Variants in FTO observed in about 807,000 individuals in gnomAD.
The protein encoded by FTO is FTO alpha-ketoglutarate dependent dioxygenase.
A neutral mutation model predicts 63.9 loss-of-function variants in FTO; 47 were observed. The observed-to-expected ratio is 0.74, with a 90% CI of 0.58 to 0.94. FTO has a LOEUF of 0.94. Among genes scored for constraint, FTO ranks in the 40% least tolerant of loss-of-function variants. The probability of loss-of-function intolerance (pLI) is 0.00; values close to 1 mark genes in which losing one functional copy is unlikely to be tolerated. For synonymous variants in FTO, 207 were observed against 224.4 expected, an observed-to-expected ratio of 0.92 and a Z score of 0.69; for missense variants, 562 against 618.1, an observed-to-expected ratio of 0.91 and a Z score of 0.96.
chr16:53,930,221 C>CTTTTT (rs1014205147), intron 7 of FTO, among the ~76,000 whole-genome samples: 22 of 75,704 alleles, frequency 2.9e-4, no homozygotes, highest in African/African-American at 6.5e-4. Context: ...TGATTATCTT[C>CTTTTT]TTTTTTTTTT....
At chr16:53,749,798 A>G (rs577767448) in intron 1 of FTO, among the ~76,000 whole-genome samples, 1 of 152,138 alleles carries the variant, frequency 6.6e-6, no homozygotes, top group Non-Finnish European at 1.5e-5. Flanking sequence ...TATGGCCTTT[A>G]TTGTGTTGAG....
intron 1 of FTO, among the ~76,000 whole-genome samples, chr16:53,793,688 G>A (rs922375788): frequency 1.3e-5 from 2 of 152,102 alleles, no homozygotes; most frequent in African/African-American, 4.8e-5. Context: ...GCGTGAACGC[G>A]GGAGACGGAG....
chr16:53,789,983 C>G (rs924306124), intron 1 of FTO, among the ~76,000 whole-genome samples: 5 of 148,502 alleles, frequency 3.4e-5, no homozygotes, highest in African/African-American at 9.8e-5. Flanking sequence ...TGTACATATA[C>G]AAATATATAA....
At chr16:53,939,348 T>A (rs1018225429) in intron 8 of FTO, among the ~76,000 whole-genome samples, 1 of 152,146 alleles carries the variant, frequency 6.6e-6, no homozygotes, top group African/African-American at 2.4e-5. Flanking sequence ...TTTAAAGCCA[T>A]GGCCCTAAAT....
chr16:53,847,968 C>A (rs1377729786), intron 4 of FTO, among the ~76,000 whole-genome samples: 1 of 152,056 alleles, frequency 6.6e-6, no homozygotes, highest in East Asian at 1.9e-4. Flanking sequence ...CTTGATTTCC[C>A]ATGTCTTATT....
At chr16:54,016,039 T>C (rs1350241289) in intron 8 of FTO, among the ~76,000 whole-genome samples, 1 of 152,198 alleles carries the variant, frequency 6.6e-6, no homozygotes, top group African/African-American at 2.4e-5. Flanking sequence ...TTACACACAT[T>C]CATGTGTTCC....
Position 53,815,121 on chromosome 16 carries a change from C to T in FTO, c.123+4904C>T, listed in dbSNP as rs188406504. 2.1e-4 allele frequency among the ~76,000 whole-genome samples: 32 copies of T among 151,540 alleles called. 1 individual carries two copies. Among genetic ancestry groups the T allele is most frequent in the Admixed American group, 1.5e-3 (23 of 15,238 alleles). ...AGAGAGAGAGAGAGGCCCGGTTATA[C>T]GAGAACTTATAGTCTGTAAGTTCTG... is the stretch of plus-strand genomic sequence containing the variant. On this transcript the variant is annotated intron_variant, in intron 2 of 8. Coordinates refer to ENST00000471389, the MANE Select transcript of FTO (RefSeq NM_001080432.3).
In FTO at chr16:54,085,196, A is replaced by C. The variant is rs562448007; in HGVS notation, c.1365-26566A>C. Among the ~76,000 whole-genome samples, 3 of 152,182 alleles carry C rather than the reference A, an allele frequency of 2.0e-5. No individual in the cohort carries two copies. In the East Asian group the frequency reaches 5.8e-4, roughly 29 times the overall value. ...AGAGTGTATACTTCTGTAGGAAAGA[A>C]CTCTCAGTGGACCTTGCTAAGACAC... On this transcript the variant is annotated intron_variant, in intron 8 of 8. Coordinates refer to ENST00000471389, the MANE Select transcript of FTO (RefSeq NM_001080432.3).
intron 8 of FTO, among the ~76,000 whole-genome samples, chr16:53,956,107 T>A (rs985895244): frequency 6.6e-6 from 1 of 152,232 alleles, no homozygotes; most frequent in African/African-American, 2.4e-5. Flanking sequence ...TTCATCCCCA[T>A]GTTATAGATG....
intron 8 of FTO, among the ~76,000 whole-genome samples, chr16:54,055,383 A>G (rs916257066): frequency 6.6e-6 from 1 of 152,244 alleles, no homozygotes; most frequent in African/African-American, 2.4e-5. Context: ...GAAAAGCAGT[A>G]CAAGACCTTG....
intron 8 of FTO, among the ~76,000 whole-genome samples, chr16:53,973,779 T>C (rs2083380970): frequency 6.6e-6 from 1 of 152,160 alleles, no homozygotes. Flanking sequence ...TGAAAATGCA[T>C]ATCGTGATTG....
rs753665415 is a variant in FTO, at chr16:53,879,909, C to T, written c.1041C>T (p.Asp347=). ...AGTTGGCTCTGCAGAATGTCTGTGA[C>T]GATGTGGACAATGATGATGTCTCTT... The part of the protein sequence containing the change: ...RCQLALQNVC[D]DVDNDDVSLK... Residue 347 remains aspartate (D), a synonymous_variant, in exon 6 of 9, where the codon GAC becomes GAT. Coordinates refer to ENST00000471389, the MANE Select transcript of FTO (RefSeq NM_001080432.3). 2.8e-5 allele frequency: 45 copies of T among 1,613,552 alleles called. No homozygotes were observed. The highest frequency in any genetic ancestry group is 2.0e-4 in the East Asian group (9 of 44,870).
chr16:53,900,930 A>G (rs905093770), intron 7 of FTO, among the ~76,000 whole-genome samples: 1 of 152,066 alleles, frequency 6.6e-6, no homozygotes, highest in African/African-American at 2.4e-5. Context: ...ATTAGCAAGG[A>G]CCTTTTTTTC....
chr16:53,827,567 A>C (rs2079041033), intron 3 of FTO, among the ~76,000 whole-genome samples: 1 of 152,222 alleles, frequency 6.6e-6, no homozygotes, highest in African/African-American at 2.4e-5. Flanking sequence ...TTTAAGAAAA[A>C]AAAGATCTTT....
intron 8 of FTO, among the ~76,000 whole-genome samples, chr16:54,001,327 G>A (rs1443817556): frequency 2.0e-5 from 3 of 152,146 alleles, no homozygotes; most frequent in Non-Finnish European, 4.4e-5. Flanking sequence ...GGTGTGAAAC[G>A]GGAGTCAGGA....
chr16:53,915,951 A>G (rs541545496), intron 7 of FTO, among the ~76,000 whole-genome samples: 1 of 152,348 alleles, frequency 6.6e-6, no homozygotes, highest in South Asian at 2.1e-4. Flanking sequence ...ATTCATGCCA[A>G]CCGCAGCAGT....
intron 7 of FTO, among the ~76,000 whole-genome samples, chr16:53,922,494 T>C (rs995441955): frequency 1.3e-5 from 2 of 152,212 alleles, no homozygotes; most frequent in African/African-American, 4.8e-5. Flanking sequence ...ATATAAGTAT[T>C]TTTTAACAGA....
chr16:53,913,705 G>T (rs568501042), intron 7 of FTO, among the ~76,000 whole-genome samples: 2 of 152,158 alleles, frequency 1.3e-5, no homozygotes, highest in Non-Finnish European at 2.9e-5. Flanking sequence ...TAGACCTGGC[G>T]CAGTGGCTCA....
At chr16:53,721,492 A>G (rs2076040463) in intron 1 of FTO, among the ~76,000 whole-genome samples, 1 of 152,124 alleles carries the variant, frequency 6.6e-6, no homozygotes. Flanking sequence ...TTTCAATTGC[A>G]GTTACATTAC....
Sources: allele counts gnomAD v4.1 joint callset (sites outside exome capture counted in the v4.1 genomes callset), GRCh38; gene constraint gnomAD v4.1.1; transcripts MANE v1.5; gene names NCBI Gene and HGNC (gene_info 2026-07-23, HGNC 2026-07-21).